Variants in RAB33B observed in about 807,000 individuals in gnomAD.
RAB33B encodes the protein ras-related protein Rab-33B.
RAB33B carries 6 observed loss-of-function variants against 15.0 expected under a neutral mutation model. That is an observed-to-expected ratio of 0.40 (90% CI 0.22 to 0.79). The LOEUF (loss-of-function observed/expected upper bound fraction) is 0.79, where lower values mean the gene tolerates loss of function less well. RAB33B is among the 30% of genes least tolerant of loss of function. RAB33B has a pLI of 0.37. For synonymous variants in RAB33B, 117 were observed against 108.3 expected (o/e 1.08, Z -0.50); for missense variants, 257 against 296.4 (o/e 0.87, Z 0.98).
chr4:139,456,557 T>C (rs1579173338), intron 1 of RAB33B, among the ~76,000 whole-genome samples: 1 of 152,088 alleles, frequency 6.6e-6, no homozygotes, highest in Non-Finnish European at 1.5e-5. Context: ...GAGCACAGAG[T>C]TGATAATTCT....
intron 1 of RAB33B, among the ~76,000 whole-genome samples, chr4:139,470,660 A>G (rs1750371070): frequency 2.6e-5 from 4 of 152,172 alleles, no homozygotes; most frequent in African/African-American, 9.7e-5. Flanking sequence ...TGCAGTCAGC[A>G]AGTCTCAGAG....
intron 1 of RAB33B, among the ~76,000 whole-genome samples, chr4:139,463,745 T>C (rs1750216857): frequency 6.6e-6 from 1 of 152,196 alleles, no homozygotes; most frequent in East Asian, 1.9e-4. Flanking sequence ...CCTTTTATGG[T>C]CAACAGTTTT....
upstream of RAB33B, chr4:139,453,511 C>G (rs1373189321): frequency 1.3e-5 from 2 of 152,442 alleles, no homozygotes; most frequent in Non-Finnish European, 2.9e-5. Context: ...TCCCACCCAT[C>G]TAGCCCTGGC....
At chr4:139,466,677 C>A (rs1050744113) in intron 1 of RAB33B, among the ~76,000 whole-genome samples, 2 of 151,634 alleles carry the variant, frequency 1.3e-5, no homozygotes, top group Non-Finnish European at 2.9e-5. Context: ...CTCCTGGGTT[C>A]AAGCGATTCT....
At chr4:139,465,616 A>G (rs1251576825) in intron 1 of RAB33B, among the ~76,000 whole-genome samples, 1 of 152,182 alleles carries the variant, frequency 6.6e-6, no homozygotes, top group Non-Finnish European at 1.5e-5. Flanking sequence ...ATGGCTGGCC[A>G]GTTTTCCCAG....
At position 139,468,163 on chromosome 4, in the gene RAB33B, G is replaced by T. The variant is rs111249618; in HGVS notation, c.250-4523G>T. On this transcript the variant is annotated intron_variant, in intron 1 of 1. Coordinates refer to ENST00000305626, the MANE Select transcript of RAB33B (RefSeq NM_031296.3). ...GGAGGCCTTACAATCAAGGCAGAAG[G>T]TGAAAGGCATATCTCACATGGCAGC... is the stretch of plus-strand genomic sequence containing the variant. Among the ~76,000 whole-genome samples, 627 of 152,194 alleles carry T rather than the reference G, an allele frequency of 4.1e-3. 3 individuals are homozygous for T. The highest frequency in any genetic ancestry group is 0.014 in the African/African-American group (589 of 41,518).
intron 1 of RAB33B, among the ~76,000 whole-genome samples, chr4:139,455,728 A>C (rs1268343451): frequency 6.6e-6 from 1 of 152,168 alleles, no homozygotes; most frequent in Non-Finnish European, 1.5e-5. Flanking sequence ...TTTTCACCAG[A>C]ATTAGGTTTG....
At chr4:139,464,649 T>G (rs1750245107) in intron 1 of RAB33B, among the ~76,000 whole-genome samples, 1 of 152,210 alleles carries the variant, frequency 6.6e-6, no homozygotes, top group Non-Finnish European at 1.5e-5. Flanking sequence ...TTTGGTTTTC[T>G]GTCCTTGTGA....
At chr4:139,467,857 C>CA (rs56069233) in intron 1 of RAB33B, among the ~76,000 whole-genome samples, 22,562 of 134,712 alleles carry the variant, frequency 0.17, 1,941 homozygotes, top group Non-Finnish European at 0.21. Context: ...TGTCCTGTCT[C>CA]AAAAAAAAAA....
At chr4:139,464,401 T>TG (rs1399089242) in intron 1 of RAB33B, among the ~76,000 whole-genome samples, 22 of 149,346 alleles carry the variant, frequency 1.5e-4, no homozygotes, top group Non-Finnish European at 2.5e-4. Context: ...TTTTTTTTTT[T>TG]TTTTTTTTTT....
intron 1 of RAB33B, among the ~76,000 whole-genome samples, chr4:139,462,744 A>T (rs1177847429): frequency 2.0e-5 from 3 of 152,222 alleles, no homozygotes; most frequent in Admixed American, 1.3e-4. Flanking sequence ...ACCTCTACTG[A>T]TTCTGAGTGC....
upstream of RAB33B, chr4:139,450,044 A>C (rs958196953): frequency 6.6e-6 from 1 of 152,172 alleles, no homozygotes; most frequent in Non-Finnish European, 1.5e-5. Context: ...GGTGTTCACT[A>C]ACGGTTCCAT....
rs578231073 is a variant in RAB33B, at chr4:139,471,917, C to A, written c.250-769C>A. Among the ~76,000 whole-genome samples the A allele has an allele frequency of 1.3e-3, 192 of 152,318 alleles. 3 individuals carry two copies. The South Asian group carries it at 0.013, about 11-fold the overall frequency. ...ATGGTGTGAGATAGGGATCCAGCCT[C>A]ATTTTTTGCATGTTGTCCAGCACTA... On this transcript the variant is annotated intron_variant, in intron 1 of 1. Transcript: ENST00000305626.
rs149806801 is a variant in RAB33B, at chr4:139,473,621, A to G, written c.*495A>G. The G allele has an allele frequency of 1.1e-4, 17 of 155,616 alleles. No individual in the cohort carries two copies. The East Asian group carries it at 1.9e-3, about 17-fold the overall frequency. The allele number at this position is 155,616 out of a possible 1,614,324, so 9.6% of individuals were successfully genotyped here. A position where few individuals can be genotyped will look rare whatever the true frequency, so the allele number is the denominator to read the frequency against. ...GGCCTTGAGCTCCTGGGCTCAAGCA[A>G]TCCTCCCACCTCAGCCTCCCCAGTA... is the stretch of plus-strand genomic sequence containing the variant. On this transcript the variant is annotated 3_prime_UTR_variant, in exon 2 of 2. Transcript: ENST00000305626.
At position 139,454,306 on chromosome 4, in the gene RAB33B, C is replaced by A; in HGVS notation, c.111C>A (p.Ile37=). 6.2e-7 allele frequency: 1 copy of A among 1,614,122 alleles called. No homozygotes were observed. Among genetic ancestry groups the A allele is most frequent in the Non-Finnish European group, 8.5e-7 (1 of 1,180,028 alleles). ...CCCGCTCCCGCATCTTCAAGATAAT[C>A]GTGATCGGCGACTCCAATGTGGGCA... ...PPARSRIFKI[I]VIGDSNVGKT... The change falls in exon 1 of 2, where the codon ATC becomes ATA. Residue 37 remains isoleucine, a synonymous_variant. Coordinates refer to ENST00000305626, the MANE Select transcript of RAB33B (RefSeq NM_031296.3).
At chr4:139,440,615 A>ATTTT in the RAB33B span, among the ~76,000 whole-genome samples, 50 of 144,860 alleles carry the variant, frequency 3.5e-4, no homozygotes, top group Admixed American at 5.5e-4. Context: ...AAATTGACCA[A>ATTTT]TTTTTTTTTT....
chr4:139,463,698 GTGTC>G (rs753478320), intron 1 of RAB33B, among the ~76,000 whole-genome samples: 7 of 152,108 alleles, frequency 4.6e-5, no homozygotes, highest in Admixed American at 2.0e-4. Flanking sequence ...TTTTCGCCTA[GTGTC>G]TGTCTGTCTG....
chr4:139,456,238 G>A (rs1750065884), intron 1 of RAB33B, among the ~76,000 whole-genome samples: 2 of 152,112 alleles, frequency 1.3e-5, no homozygotes, highest in South Asian at 4.1e-4. Context: ...CAGAGATAGT[G>A]GAGGGCATAG....
At chr4:139,461,305 C>T (rs1324301784) in intron 1 of RAB33B, among the ~76,000 whole-genome samples, 1 of 152,056 alleles carries the variant, frequency 6.6e-6, no homozygotes, top group African/African-American at 2.4e-5. Flanking sequence ...AAATAGGGTG[C>T]TATTAATAGA....
Sources: gnomAD v4.1 joint callset for allele counts (sites outside exome capture counted in the v4.1 genomes callset) on GRCh38, gnomAD v4.1.1 for gene constraint, MANE v1.5 for transcripts, NCBI Gene and HGNC (gene_info 2026-07-23, HGNC 2026-07-21) for gene names.